Variants in DOCK3 observed in about 807,000 individuals in gnomAD.
DOCK3 encodes dedicator of cytokinesis protein 3.
In DOCK3, 60 loss-of-function variants were observed where a neutral mutation model predicts 265.6. That is an observed-to-expected ratio of 0.23 (90% CI 0.18 to 0.28). DOCK3 has a LOEUF of 0.28. DOCK3 is among the 10% of genes least tolerant of loss of function. The probability of loss-of-function intolerance (pLI) is 1.00; values close to 1 mark genes in which losing one functional copy is unlikely to be tolerated. For missense variants in DOCK3, 1,981 were observed against 2,594.3 expected (o/e 0.76, Z 5.14); for synonymous variants, 881 against 938.0 (o/e 0.94, Z 1.11).
chr3:50,872,701 A>G (rs1356577862), intron 3 of DOCK3, among the ~76,000 whole-genome samples: 1 of 152,128 alleles, frequency 6.6e-6, no homozygotes, highest in Non-Finnish European at 1.5e-5. Flanking sequence ...AAAACCTTAG[A>G]AGTCTACCTT....
At chr3:51,168,646 A>T (rs1441633444) in intron 12 of DOCK3, among the ~76,000 whole-genome samples, 1 of 152,222 alleles carries the variant, frequency 6.6e-6, no homozygotes, top group East Asian at 1.9e-4. Flanking sequence ...ACTCTGGTAG[A>T]CAACCTAGGC....
At chr3:51,241,864 A>G (rs1168131949) in intron 21 of DOCK3, among the ~76,000 whole-genome samples, 1 of 152,170 alleles carries the variant, frequency 6.6e-6, no homozygotes, top group Admixed American at 6.5e-5. Context: ...ATTAGCTTTC[A>G]GTGTACTCCT....
In DOCK3 at chr3:51,383,128, C is replaced by G. The variant is rs1363166296; in HGVS notation, c.*1569C>G. The G allele has an allele frequency of 6.6e-6, 1 of 152,294 alleles. No homozygotes were observed. Among genetic ancestry groups the G allele is most frequent in the Non-Finnish European group, 1.5e-5 (1 of 68,070 alleles). The allele number at this position is 152,294 out of a possible 1,614,324, so 9.4% of individuals were successfully genotyped here. ...TGTCCCTTCTCCACTGCCCCTCTTT[C>G]CAGACAGTAAAGGCCATGGTCAGTG... On this transcript the variant is annotated 3_prime_UTR_variant, in exon 53 of 53. Transcript: ENST00000266037.
At chr3:50,787,029 A>G (rs902549648) in intron 2 of DOCK3, 2 of 740,606 alleles carry the variant, frequency 2.7e-6, no homozygotes, top group Non-Finnish European at 2.6e-6. Flanking sequence ...CAAATTTCAC[A>G]GGAAAATTTC....
intron 27 of DOCK3, among the ~76,000 whole-genome samples, chr3:51,308,838 C>T (rs2082868991): frequency 1.3e-5 from 2 of 148,824 alleles, no homozygotes; most frequent in South Asian, 2.1e-4. Flanking sequence ...GGGGCGGCTG[C>T]CGGGCGGAGG....
Position 51,075,309 on chromosome 3 carries a change from G to A in DOCK3, c.465-47G>A, listed in dbSNP as rs1263145523. ...TTCCCAGGCACATAAAGAGAGATAA[G>A]TAATCTGAGTACATGGCATACTGAG... On this transcript the variant is annotated intron_variant, in intron 6 of 52. Coordinates refer to ENST00000266037, the MANE Select transcript of DOCK3 (RefSeq NM_004947.5). 7 of 1,509,414 alleles carry A rather than the reference G, an allele frequency of 4.6e-6. No homozygotes were observed. In the East Asian group the frequency reaches 1.4e-4, roughly 31 times the overall value. 93.5% of individuals were successfully genotyped at this position (1,509,414 alleles called of 1,614,324 possible).
intron 2 of DOCK3, among the ~76,000 whole-genome samples, chr3:50,813,277 T>A (rs2043870665): frequency 6.6e-6 from 1 of 152,236 alleles, no homozygotes. Flanking sequence ...CTCACACCTG[T>A]AATCCTAGCA....
At chr3:51,029,081 AT>A (rs1190054892) in intron 5 of DOCK3, among the ~76,000 whole-genome samples, 1 of 151,154 alleles carries the variant, frequency 6.6e-6, no homozygotes, top group South Asian at 2.1e-4. Context: ...GGCTTTTTTG[AT>A]TTTTTATTCT....
chr3:50,754,826 T>G (rs2108337510), intron 1 of DOCK3, among the ~76,000 whole-genome samples: 1 of 152,290 alleles, frequency 6.6e-6, no homozygotes, highest in South Asian at 2.1e-4. Context: ...CCCAAAGTGC[T>G]GAGATTACAG....
chr3:50,728,196 T>C (rs2037953812), intron 1 of DOCK3, among the ~76,000 whole-genome samples: 3 of 152,014 alleles, frequency 2.0e-5, no homozygotes, highest in South Asian at 4.1e-4. Context: ...CCATAAAAAA[T>C]CACAGAGGAA....
At chr3:50,902,220 C>T (rs1402093273) in intron 4 of DOCK3, among the ~76,000 whole-genome samples, 3 of 152,034 alleles carry the variant, frequency 2.0e-5, no homozygotes, top group Admixed American at 6.6e-5. Context: ...TTGCTTTTGT[C>T]GCAATTGCTT....
intron 3 of DOCK3, among the ~76,000 whole-genome samples, chr3:50,853,222 T>C (rs1472269842): frequency 6.6e-6 from 1 of 152,176 alleles, no homozygotes; most frequent in South Asian, 2.1e-4. Context: ...ATCATTGTAC[T>C]CTGTCTCTTC....
intron 21 of DOCK3, among the ~76,000 whole-genome samples, chr3:51,241,075 T>C (rs769224156): frequency 7.2e-5 from 11 of 152,318 alleles, no homozygotes; most frequent in Admixed American, 3.9e-4. Context: ...GTCTTTTCTT[T>C]GCGTATTTTG....
intron 5 of DOCK3, among the ~76,000 whole-genome samples, chr3:51,047,602 A>G (rs1377501306): frequency 6.6e-6 from 1 of 152,158 alleles, no homozygotes; most frequent in East Asian, 1.9e-4. Flanking sequence ...GAAATGATGG[A>G]CTATTATGAA....
At chr3:51,210,526 T>C (rs1294251086) in intron 13 of DOCK3, among the ~76,000 whole-genome samples, 1 of 152,152 alleles carries the variant, frequency 6.6e-6, no homozygotes, top group Non-Finnish European at 1.5e-5. Flanking sequence ...CTCAGCAAAA[T>C]GACTTAGTGG....
chr3:50,861,577 G>T (rs1055897480), intron 3 of DOCK3, among the ~76,000 whole-genome samples: 1 of 151,954 alleles, frequency 6.6e-6, no homozygotes, highest in Non-Finnish European at 1.5e-5. Context: ...TGTAATTTTG[G>T]TAGTATATGT....
chr3:51,257,286 T>C (rs1429804687), intron 22 of DOCK3, among the ~76,000 whole-genome samples: 1 of 152,228 alleles, frequency 6.6e-6, no homozygotes, highest in African/African-American at 2.4e-5. Flanking sequence ...GTTTTCCTTC[T>C]TCTTCATAGG....
At chr3:50,933,848 A>G (rs1328502594) in intron 4 of DOCK3, 133 bp from the exon 5 acceptor site, 1 of 552,826 alleles carries the variant, frequency 1.8e-6, no homozygotes, top group Non-Finnish European at 3.2e-6. Flanking sequence ...AAGGTCTTTG[A>G]TCAATTAGAT....
At chr3:51,227,148 AT>A in intron 15 of DOCK3, 134 bp from the exon 16 acceptor site, 3 of 927,560 alleles carry the variant, frequency 3.2e-6, no homozygotes, top group Non-Finnish European at 4.9e-6. Flanking sequence ...AATCAAATGC[AT>A]TTTCTTATCT....
Sources: gnomAD v4.1 joint callset for allele counts (sites outside exome capture counted in the v4.1 genomes callset) on GRCh38, gnomAD v4.1.1 for gene constraint, MANE v1.5 for transcripts, NCBI Gene and HGNC (gene_info 2026-07-23, HGNC 2026-07-21) for gene names.